The following LIG1 variants were observed in gnomAD, a reference collection of about 807,000 sequenced individuals.
LIG1 encodes the protein ligase I, DNA, ATP-dependent.
In LIG1, 70 loss-of-function variants were observed where a neutral mutation model predicts 115.7. That is an observed-to-expected ratio of 0.60 (90% CI 0.50 to 0.74). The LOEUF is 0.74. Ranked by LOEUF, LIG1 falls within the 30% of genes least tolerant of loss-of-function variation. The pLI is 0.00. For missense variants in LIG1, 1,115 were observed against 1,225.6 expected (o/e 0.91, Z 1.35); for synonymous variants, 487 against 495.3 (o/e 0.98, Z 0.22).
chr19:48,154,784 C>A (rs2035732433), intron 5 of LIG1, among the ~76,000 whole-genome samples: 1 of 152,206 alleles, frequency 6.6e-6, no homozygotes, highest in Non-Finnish European at 1.5e-5. Flanking sequence ...CTTCACGTGG[C>A]CCCAGAGGGA....
chr19:48,139,591 C>A (rs1473581069), intron 12 of LIG1, among the ~76,000 whole-genome samples: 2 of 152,162 alleles, frequency 1.3e-5, no homozygotes, highest in Middle Eastern at 3.2e-3. Flanking sequence ...GCTGGCCCCC[C>A]ACACACCATG....
intron 18 of LIG1, among the ~76,000 whole-genome samples, chr19:48,131,762 A>G (rs1036488516): frequency 6.6e-6 from 1 of 152,210 alleles, no homozygotes; most frequent in Admixed American, 6.5e-5. Flanking sequence ...ATTTTAAGAC[A>G]GTCCGGTCAC....
At chr19:48,168,272 C>T (rs2036584156) in intron 1 of LIG1, among the ~76,000 whole-genome samples, 1 of 152,208 alleles carries the variant, frequency 6.6e-6, no homozygotes, top group African/African-American at 2.4e-5. Context: ...CAAATACCCT[C>T]AATCCTCAAG....
chr19:48,144,668 A>AT (rs1008309872), intron 9 of LIG1, among the ~76,000 whole-genome samples: 20 of 152,024 alleles, frequency 1.3e-4, no homozygotes, highest in Non-Finnish European at 2.4e-4. Context: ...CACCTGGCTG[A>AT]TTTTTTTGTA....
Position 48,162,244 on chromosome 19 carries a change from C to T in LIG1, c.107+18G>A, listed in dbSNP as rs2036222143. The T allele has an allele frequency of 1.2e-6, 2 of 1,600,256 alleles. No individual in the cohort carries two copies. The highest frequency in any genetic ancestry group is 1.7e-6 in the Non-Finnish European group (2 of 1,167,612). On this transcript the variant is annotated intron_variant, in intron 3 of 27. Coordinates refer to ENST00000263274, the MANE Select transcript of LIG1 (RefSeq NM_000234.3). ...TGCTAAAGGAAAAAATTCACCATAT[C>T]CCAGCCCTGTGACATACTTTGGAGG...
At chr19:48,169,643 G>A (rs1161620784) in intron 1 of LIG1, 1 of 164,314 alleles carries the variant, frequency 6.1e-6, no homozygotes, top group Non-Finnish European at 1.3e-5. Context: ...CTCCAGTAGG[G>A]CCCACTCCTT....
rs746220201 is a variant in LIG1, at chr19:48,136,083, C to T, written c.1374G>A (p.Ser458=). The change falls in exon 15 of 28, where the codon TCG becomes TCA. Residue 458 remains serine, a synonymous_variant. Transcript: ENST00000263274. The part of the protein sequence containing the change: ...GRLRLGLAEQ[S]VLAALSQAVS... ...CTGCCTGGGAGAGGGCAGCCAGCAC[C>T]GACTGCTCTGCCAGCCCAAGGCGCA... 1.1e-5 allele frequency: 18 copies of T among 1,573,740 alleles called. No homozygotes were observed. Among genetic ancestry groups the T allele is most frequent in the South Asian group, 1.1e-4 (9 of 85,664 alleles).
chr19:48,127,147 G>A (rs1057392663), intron 21 of LIG1, 130 bp downstream of exon 21: 11 of 776,976 alleles, frequency 1.4e-5, no homozygotes, highest in African/African-American at 1.3e-4. Context: ...TTTGAGAACT[G>A]CTGCCCAAGT....
At chr19:48,119,930 G>A (rs1245245195) in intron 24 of LIG1, among the ~76,000 whole-genome samples, 1 of 152,234 alleles carries the variant, frequency 6.6e-6, no homozygotes, top group Non-Finnish European at 1.5e-5. Context: ...GATGCTGGCA[G>A]ATACGCAGCA....
At chr19:48,132,420 C>T (rs956132752) in intron 18 of LIG1, among the ~76,000 whole-genome samples, 4 of 152,128 alleles carry the variant, frequency 2.6e-5, no homozygotes, top group Non-Finnish European at 5.9e-5. Context: ...GCGGAGCCCA[C>T]GTTTCATGAG....
intron 1 of LIG1, among the ~76,000 whole-genome samples, chr19:48,167,550 G>A (rs1028818595): frequency 2.0e-5 from 3 of 152,216 alleles, no homozygotes; most frequent in African/African-American, 7.2e-5. Context: ...TCAGTAGGCC[G>A]GCACTGTGGC....
At chr19:48,123,111 A>G in intron 22 of LIG1, 63 bp downstream of exon 22, 1 of 1,612,900 alleles carries the variant, frequency 6.2e-7, no homozygotes, top group Non-Finnish European at 8.5e-7. Context: ...GACTGGGGAC[A>G]GGCTGGGAGG....
rs781377073 is a variant in LIG1, at chr19:48,127,229, C to A, written c.2004+48G>T. On this transcript the variant is annotated intron_variant, in intron 21 of 27. Coordinates refer to ENST00000263274, the MANE Select transcript of LIG1 (RefSeq NM_000234.3). ...GAGGGGCAGCTGCCAGGCTCACACC[C>A]CACCCCGTCACCCCTCAGCTGCCCC... 9.3e-6 allele frequency: 14 copies of A among 1,501,030 alleles called. No homozygotes were observed. The South Asian group carries it at 1.6e-4, about 17-fold the overall frequency. 93.0% of individuals were successfully genotyped at this position (1,501,030 alleles called of 1,614,324 possible). A position where few individuals can be genotyped will look rare whatever the true frequency, so the allele number is the denominator to read the frequency against.
At chr19:48,127,526 T>C (rs2033751083) in intron 20 of LIG1, 178 bp from the exon 21 acceptor site, 2 of 639,794 alleles carry the variant, frequency 3.1e-6, no homozygotes, top group Non-Finnish European at 2.8e-6. Context: ...CTCAGCTAAT[T>C]CCGACAACCT....
At chr19:48,121,075 A>C in intron 24 of LIG1, 95 bp downstream of exon 24, 1 of 1,603,722 alleles carries the variant, frequency 6.2e-7, no homozygotes, top group Non-Finnish European at 8.5e-7. Context: ...GGGGGATGTG[A>C]GCACCCCTCG....
At chr19:48,131,219 T>A in intron 18 of LIG1, 48 bp from the exon 19 acceptor site, 1 of 1,422,676 alleles carries the variant, frequency 7.0e-7, no homozygotes, top group Non-Finnish European at 9.9e-7. Context: ...TCCCCTCATG[T>A]GGCCTCAGCT....
At chr19:48,121,518 G>A (rs1228201902) in intron 23 of LIG1, among the ~76,000 whole-genome samples, 196 bp from the exon 24 acceptor site, 1 of 152,168 alleles carries the variant, frequency 6.6e-6, no homozygotes, top group African/African-American at 2.4e-5. Flanking sequence ...AAGAACAAAT[G>A]GGGCCGGGCA....
chr19:48,127,588 C>T, intron 20 of LIG1: 1 of 610,038 alleles, frequency 1.6e-6, no homozygotes. Flanking sequence ...CAGCTAATGG[C>T]AGTGACATGG....
intron 1 of LIG1, among the ~76,000 whole-genome samples, chr19:48,167,012 G>T (rs919157688): frequency 1.3e-5 from 2 of 150,340 alleles, no homozygotes; most frequent in Non-Finnish European, 3.0e-5. Flanking sequence ...AAAAGAAAGG[G>T]TTCTTAATCT....
Sources: allele counts gnomAD v4.1 joint callset (sites outside exome capture counted in the v4.1 genomes callset), GRCh38; gene constraint gnomAD v4.1.1; transcripts MANE v1.5; gene names NCBI Gene and HGNC (gene_info 2026-07-23, HGNC 2026-07-21).